Variants in WDFY4 observed in about 807,000 individuals in gnomAD.
WDFY4 encodes WD repeat- and FYVE domain-containing protein 4.
In WDFY4, 169 loss-of-function variants were observed where a neutral mutation model predicts 351.9. The ratio of observed to expected loss-of-function variants is 0.48; its 90% CI spans 0.42 to 0.55. WDFY4 has a LOEUF of 0.55. Among genes scored for constraint, WDFY4 ranks in the 20% least tolerant of loss-of-function variants. The probability of loss-of-function intolerance (pLI) is 0.00; values close to 1 mark genes in which losing one functional copy is unlikely to be tolerated. For missense variants in WDFY4, 3,803 were observed against 3,935.6 expected (o/e 0.97, Z 0.90); for synonymous variants, 1,622 against 1,574.6 (o/e 1.03, Z -0.71).
In WDFY4 at chr10:48,823,748, G is replaced by A. The variant is rs2067906489; in HGVS notation, c.5982+1211G>A. 12 of 991,960 alleles carry A rather than the reference G, an allele frequency of 1.2e-5. No individual in the cohort carries two copies. The South Asian group carries it at 1.8e-4, about 15-fold the overall frequency. 61.4% of individuals were successfully genotyped at this position (991,960 alleles called of 1,614,324 possible). On this transcript the variant is annotated intron_variant, in intron 35 of 61. Coordinates refer to ENST00000325239, the MANE Select transcript of WDFY4 (RefSeq NM_001394531.1). ...AACATAGGTGCCAGTGGGGGCCACC[G>A]TGCTTTCAGGGGGACCAGGCCTGAG...
chr10:48,805,117 G>A (rs1451860777), intron 25 of WDFY4, 143 bp from the exon 26 acceptor site: 18 of 992,236 alleles, frequency 1.8e-5, no homozygotes, highest in Non-Finnish European at 2.5e-5. Flanking sequence ...GGTGTCTGAC[G>A]GCATCTTGAC....
At chr10:48,924,223 C>A (rs113756107) in intron 47 of WDFY4, among the ~76,000 whole-genome samples, 3 of 152,318 alleles carry the variant, frequency 2.0e-5, no homozygotes, top group African/African-American at 7.2e-5. Context: ...CCTGGGGTCA[C>A]CCGACCTTGG....
rs772417803 is a variant in WDFY4, at chr10:48,969,266, A to C, written c.8769+18A>C. 6.5e-7 allele frequency: 1 copy of C among 1,549,926 alleles called. No individual in the cohort carries two copies. The highest frequency in any genetic ancestry group is 1.2e-5 in the South Asian group (1 of 84,014). ...CCGACAAGGTGAGGGGGCTGCAGGG[A>C]GCAGGGGCAGCCTCAGGACCTCAGC... On this transcript the variant is annotated intron_variant, in intron 56 of 61. Transcript: ENST00000325239.
intron 24 of WDFY4, among the ~76,000 whole-genome samples, chr10:48,799,931 A>C (rs756640735): frequency 1.3e-5 from 2 of 152,098 alleles, no homozygotes; most frequent in Non-Finnish European, 2.9e-5. Context: ...CTGTTGCCAG[A>C]CCGGAGTGCA....
At chr10:48,734,146 C>CTAACGCTGTGTATTG in intron 10 of WDFY4, 111 bp downstream of exon 10, 1 of 907,348 alleles carries the variant, frequency 1.1e-6, no homozygotes, top group Non-Finnish European at 1.7e-6. Context: ...CAATACACAG[C>CTAACGCTGTGTATTG]GTTAGCTGTG....
rs764004033 is a variant in WDFY4, at chr10:48,721,344, T to A, written c.433T>A (p.Tyr145Asn). The change falls in exon 4 of 62, where the codon TAC becomes AAC. Residue 145 changes from tyrosine (Y) to asparagine (N), a missense_variant. Around this residue, in one of 3 missense-constraint regions of WDFY4, gnomAD observed 488 missense variants for 456.8 expected, o/e 1.07. Transcript: ENST00000325239. ...QDGYLLLKSV[Y>N]VLTGTDSETL... ...TGGCTACTTGCTCCTGAAGTCAGTG[T>A]ACGTGCTCACGGGGACAGACTCGGT... is the stretch of plus-strand genomic sequence containing the variant. 3 of 1,551,664 alleles carry A rather than the reference T, an allele frequency of 1.9e-6. No individual in the cohort carries two copies. The highest frequency in any genetic ancestry group is 3.9e-5 in the Admixed American group (2 of 51,004).
Position 48,826,726 on chromosome 10 carries a change from G to T in WDFY4, c.6038G>T (p.Ser2013Ile). The change falls in exon 36 of 62, where the codon AGT becomes ATT. Residue 2013 changes from serine (S) to isoleucine (I), a missense_variant. This residue lies in a region of WDFY4 where 3,054 missense variants were observed against 3,148.6 expected (regional missense o/e 0.97). Coordinates refer to ENST00000325239, the MANE Select transcript of WDFY4 (RefSeq NM_001394531.1). ...ACTGTCCTCAGCACTTTATACAGCA[G>T]TTTAAATAAAGTCATTCTTTATTGC... Reference protein sequence around the residue: ...RDTVLSTLYSSLNKVILYCLS... With the variant: ...RDTVLSTLYSILNKVILYCLS... The T allele has an allele frequency of 6.4e-7, 1 of 1,551,780 alleles. No homozygotes were observed. Among genetic ancestry groups the T allele is most frequent in the Non-Finnish European group, 8.7e-7 (1 of 1,147,012 alleles).
chr10:48,713,821 A>G (rs1399136632), intron 2 of WDFY4, among the ~76,000 whole-genome samples: 1 of 152,156 alleles, frequency 6.6e-6, no homozygotes, highest in Non-Finnish European at 1.5e-5. Flanking sequence ...TTTCTTTTTA[A>G]TATCACCCTA....
chr10:48,851,383 C>A (rs995380385), intron 39 of WDFY4, among the ~76,000 whole-genome samples: 11 of 152,180 alleles, frequency 7.2e-5, no homozygotes, highest in African/African-American at 2.7e-4. Context: ...GTGCAAATAT[C>A]TTATGATTTC....
chr10:48,800,384 G>C (rs146595178), intron 24 of WDFY4, among the ~76,000 whole-genome samples: 1 of 152,308 alleles, frequency 6.6e-6, no homozygotes, highest in Non-Finnish European at 1.5e-5. Flanking sequence ...GACAGGAAGA[G>C]GAAGTTGTGA....
intron 1 of WDFY4, among the ~76,000 whole-genome samples, chr10:48,689,223 G>A (rs1022048202): frequency 2.6e-5 from 4 of 152,190 alleles, no homozygotes; most frequent in African/African-American, 9.7e-5. Context: ...CCCTCCAAGT[G>A]CTATAAACCA....
chr10:48,735,146 C>T (rs920939719), intron 10 of WDFY4, among the ~76,000 whole-genome samples: 4 of 152,032 alleles, frequency 2.6e-5, no homozygotes, highest in Non-Finnish European at 4.4e-5. Flanking sequence ...AGGTACCTAG[C>T]CCATAATTGG....
intron 9 of WDFY4, among the ~76,000 whole-genome samples, chr10:48,733,514 T>A (rs1449365203): frequency 6.6e-6 from 1 of 152,160 alleles, no homozygotes; most frequent in Non-Finnish European, 1.5e-5. Flanking sequence ...CATGGCAAAC[T>A]GTAAAAGTGG....
At chr10:48,949,407 A>G (rs541333560) in intron 51 of WDFY4, among the ~76,000 whole-genome samples, 4 of 152,314 alleles carry the variant, frequency 2.6e-5, no homozygotes, top group African/African-American at 9.6e-5. Flanking sequence ...GGGAGGACAC[A>G]CCAGGCTCCT....
intron 47 of WDFY4, among the ~76,000 whole-genome samples, chr10:48,938,605 G>A (rs1202798296): frequency 6.6e-6 from 1 of 152,234 alleles, no homozygotes. Context: ...CAAGGGAGAA[G>A]AGTCAAAGCA....
intron 31 of WDFY4, among the ~76,000 whole-genome samples, chr10:48,815,656 A>C (rs927966324): frequency 6.6e-6 from 1 of 151,982 alleles, no homozygotes; most frequent in African/African-American, 2.4e-5. Context: ...ACGGGGATTC[A>C]TCATGTTGGC....
chr10:48,805,281 A>C lies in WDFY4; in HGVS notation c.4506A>C (p.Glu1502Asp). 1.3e-6 allele frequency: 2 copies of C among 1,545,336 alleles called. No homozygotes were observed. The highest frequency in any genetic ancestry group is 2.4e-5 in the South Asian group (2 of 84,064). Residue 1502 changes from glutamate (E) to aspartate (D), a missense_variant, in exon 26 of 62, where the codon GAA becomes GAC. Physicochemically the swap from Glu to Asp is conservative, Grantham distance 45 (BLOSUM62 2). This residue lies in a region of WDFY4 where 3,054 missense variants were observed against 3,148.6 expected (regional missense o/e 0.97). Transcript: ENST00000325239. ...QSPREGPRNA[E>D]AAHQAQLIPK... ...CCAGGGAAGGACCCAGGAATGCTGA[A>C]GCTGCCCACCAGGCACAGCTTATAC...
rs1408032790 is a variant in WDFY4 at position 48,786,911 on chromosome 10, GT to G, written c.3808+46del. On this transcript the variant is annotated intron_variant, in intron 20 of 61. Coordinates refer to ENST00000325239, the MANE Select transcript of WDFY4 (RefSeq NM_001394531.1). ...ATTTACAATGTTCTTGCTGATATTA[GT>G]TTTTAAATGGACATCCAGTTATTTG... The G allele has an allele frequency of 2.7e-6, 4 of 1,507,672 alleles. No homozygotes were observed. The Admixed American group carries it at 8.0e-5, about 30-fold the overall frequency. The allele number at this position is 1,507,672 out of a possible 1,614,324, so 93.4% of individuals were successfully genotyped here.
intron 40 of WDFY4, among the ~76,000 whole-genome samples, chr10:48,872,000 A>G (rs1269687348): frequency 6.6e-6 from 1 of 152,196 alleles, no homozygotes; most frequent in Non-Finnish European, 1.5e-5. Context: ...TTATTATGGT[A>G]CTATTATTAA....
Sources: gnomAD v4.1 joint callset for allele counts (sites outside exome capture counted in the v4.1 genomes callset) on GRCh38, gnomAD v4.1.1 for gene constraint, gnomAD v4.1.1 regional missense constraint, MANE v1.5 for transcripts, NCBI Gene and HGNC (gene_info 2026-07-23, HGNC 2026-07-21) for gene names.